CIB1: variants seen among roughly 807,000 people sequenced by gnomAD.
CIB1 encodes the protein calcium and integrin-binding protein 1.
In CIB1, 19 loss-of-function variants were observed where a neutral mutation model predicts 25.0. The ratio of observed to expected loss-of-function variants is 0.76; its 90% CI spans 0.53 to 1.12. The LOEUF (loss-of-function observed/expected upper bound fraction) is 1.12, where lower values mean the gene tolerates loss of function less well. Among genes scored for constraint, CIB1 ranks in the 50% most tolerant of loss-of-function variants. CIB1 has a pLI of 0.00. For synonymous variants in CIB1, 104 were observed against 98.5 expected (o/e 1.06, Z -0.33); for missense variants, 236 against 242.6 (o/e 0.97, Z 0.18).
the CIB1 span, chr15:90,264,010 A>G: frequency 6.5e-7 from 1 of 1,536,098 alleles, no homozygotes; most frequent in African/African-American, 1.4e-5. Flanking sequence ...GTCAATGAAG[A>G]AGGCTGGGAG....
At chr15:90,248,176 G>A in the CIB1 span, among the ~76,000 whole-genome samples, 3 of 152,140 alleles carry the variant, frequency 2.0e-5, no homozygotes, top group Non-Finnish European at 2.9e-5. Context: ...TAGTAGCTGG[G>A]ACTACAGGGC....
chr15:90,246,787 C>CAAAA, the CIB1 span, among the ~76,000 whole-genome samples: 516 of 45,256 alleles, frequency 0.011, 80 homozygotes, highest in Non-Finnish European at 0.016. Context: ...GACTCTGTCT[C>CAAAA]AAAAAAAAAA....
At chr15:90,255,952 G>A in the CIB1 span, 4 of 1,609,060 alleles carry the variant, frequency 2.5e-6, no homozygotes, top group East Asian at 8.9e-5. Flanking sequence ...CAGAGCTCTG[G>A]TCTTGTGACC....
the CIB1 span, chr15:90,241,430 C>A: frequency 6.2e-7 from 1 of 1,613,520 alleles, no homozygotes; most frequent in Non-Finnish European, 8.5e-7. Context: ...CTGAGCCTGC[C>A]CGCCAGCTCC....
chr15:90,258,946 A>G, the CIB1 span: 1 of 1,614,082 alleles, frequency 6.2e-7, no homozygotes, highest in Non-Finnish European at 8.5e-7. Context: ...GGTGTCTGGC[A>G]TGTGTTTAGT....
chr15:90,253,398 G>A, the CIB1 span: 1 of 1,553,182 alleles, frequency 6.4e-7, no homozygotes, highest in South Asian at 1.2e-5. Flanking sequence ...GAGCCGACAG[G>A]GGCTAGGGCC....
the CIB1 span, chr15:90,243,644 T>TG: frequency 2.8e-5 from 1 of 35,164 alleles, no homozygotes; most frequent in Non-Finnish European, 5.0e-5. Flanking sequence ...GTGCAGGTTT[T>TG]TTTTTTTTTT....
At chr15:90,245,981 C>T in the CIB1 span, among the ~76,000 whole-genome samples, 3 of 152,036 alleles carry the variant, frequency 2.0e-5, 1 homozygote, top group Admixed American at 6.6e-5. Context: ...TTGCTTAACT[C>T]TTCATGCAGA....
upstream of CIB1, among the ~76,000 whole-genome samples, chr15:90,236,532 T>C (rs548615572): frequency 6.6e-6 from 1 of 152,244 alleles, no homozygotes; most frequent in African/African-American, 2.4e-5. Flanking sequence ...ATATTTCTCA[T>C]TGTAAATTAT....
At chr15:90,252,831 C>T in the CIB1 span, among the ~76,000 whole-genome samples, 5 of 152,140 alleles carry the variant, frequency 3.3e-5, no homozygotes, top group East Asian at 3.9e-4. Flanking sequence ...GGTAAAACCC[C>T]GTCTCTACTA....
At chr15:90,232,161 G>C in intron 3 of CIB1, 58 bp downstream of exon 3, 3 of 1,361,072 alleles carry the variant, frequency 2.2e-6, no homozygotes, top group Non-Finnish European at 2.1e-6. Flanking sequence ...GATGGAGTTA[G>C]GGGGTCTAGC....
chr15:90,264,988 A>G, the CIB1 span: 13 of 1,525,232 alleles, frequency 8.5e-6, no homozygotes, highest in East Asian at 3.0e-4. Flanking sequence ...GAAGCACTCT[A>G]CCTCTCCTGG....
At chr15:90,254,188 GTT>G in the CIB1 span, among the ~76,000 whole-genome samples, 17 of 104,004 alleles carry the variant, frequency 1.6e-4, no homozygotes, top group African/African-American at 7.7e-4. Context: ...GTGAGACCCT[GTT>G]TTTTTTTTTT....
At chr15:90,236,726 C>T (rs1459730564), upstream of CIB1, among the ~76,000 whole-genome samples, 1 of 151,250 alleles carries the variant, frequency 6.6e-6, no homozygotes, top group Non-Finnish European at 1.5e-5. Context: ...TTAGTAGAGA[C>T]GGGGTTTCAC....
chr15:90,230,563 C>G, intron 6 of CIB1, 58 bp from the exon 7 acceptor site: 2 of 1,530,546 alleles, frequency 1.3e-6, no homozygotes, highest in Non-Finnish European at 1.8e-6. Context: ...GGACTAAACC[C>G]GAACTTGCCC....
chr15:90,257,073 T>C, the CIB1 span: 3 of 1,480,846 alleles, frequency 2.0e-6, no homozygotes, highest in East Asian at 2.3e-5. Context: ...GTGAAGCACT[T>C]AGAACAGCAC....
chr15:90,253,309 T>C, the CIB1 span: 1 of 1,613,838 alleles, frequency 6.2e-7, no homozygotes. Flanking sequence ...GAGTGGACTC[T>C]GTACTGGACA....
At chr15:90,265,170 A>G in the CIB1 span, 1 of 1,274,496 alleles carries the variant, frequency 7.8e-7, no homozygotes, top group Non-Finnish European at 1.0e-6. Context: ...AAAGACTAGA[A>G]GATGAAGAGG....
chr15:90,248,991 C>T, the CIB1 span, among the ~76,000 whole-genome samples: 1 of 152,042 alleles, frequency 6.6e-6, no homozygotes, highest in Admixed American at 6.6e-5. Context: ...TTGAAAGGCA[C>T]GTGGCCTTAC....
Sources: allele counts gnomAD v4.1 joint callset (sites outside exome capture counted in the v4.1 genomes callset), GRCh38; gene constraint gnomAD v4.1.1; transcripts MANE v1.5; gene names NCBI Gene and HGNC (gene_info 2026-07-23, HGNC 2026-07-21).